Variants in MELTF observed in about 807,000 individuals in gnomAD.
MELTF encodes the protein antigen p97 (melanoma associated) identified by monoclonal antibodies 133.2 and 96.5.
Under a neutral mutation model 83.7 loss-of-function variants are expected in MELTF, and 67 were observed. The observed-to-expected ratio is 0.80, with a 90% CI of 0.66 to 0.98. The LOEUF (loss-of-function observed/expected upper bound fraction) is 0.98, where lower values mean the gene tolerates loss of function less well. Ranked by LOEUF, MELTF falls within the 50% of genes least tolerant of loss-of-function variation. The pLI is 0.00. For synonymous variants in MELTF, 462 were observed against 447.6 expected (o/e 1.03, Z -0.41); for missense variants, 1,002 against 1,035.6 (o/e 0.97, Z 0.44).
In MELTF at chr3:197,007,734, C is replaced by T. The variant is rs1411737586; in HGVS notation, c.1750+923G>A. The stretch of plus-strand genomic sequence containing the variant: ...CCTAGCTCTGCTGGGGCAAATGGTC[C>T]TACCGCCTTGGTGACCCCCATAGGA... On this transcript the variant is annotated intron_variant, in intron 13 of 15. Transcript: ENST00000296350. This position sits in a 1 kb window ranked among gnomAD's most constrained non-coding sequence, Gnocchi z 4.3. Among the ~76,000 whole-genome samples, 2 of 152,244 alleles carry T rather than the reference C, an allele frequency of 1.3e-5. No homozygotes were observed. The highest frequency in any genetic ancestry group is 4.8e-5 in the African/African-American group (2 of 41,464).
chr3:197,028,362 G>A (rs1485567510), intron 1 of MELTF: 1 of 159,396 alleles, frequency 6.3e-6, no homozygotes, highest in Admixed American at 6.1e-5. Context: ...GAGGTGAGGG[G>A]GCTGTGGGTG....
At position 197,029,293 on chromosome 3, in the gene MELTF, G is replaced by A. The variant is rs1300963971; in HGVS notation, c.49+361C>T. 1.3e-5 allele frequency: 3 copies of A among 223,010 alleles called. No homozygotes were observed. Among genetic ancestry groups the A allele is most frequent in the Non-Finnish European group, 2.6e-5 (3 of 114,282 alleles). 13.8% of individuals were successfully genotyped at this position (223,010 alleles called of 1,614,324 possible). ...CTCCCGCGGGGGCTCGGGAGAAAGA[G>A]CTGCTCCGAGCCCCCAAAGTCTTCC... On this transcript the variant is annotated intron_variant, in intron 1 of 15. Transcript: ENST00000296350. The surrounding 1 kb of genome is among the most constrained non-coding windows in gnomAD (Gnocchi z 6.5).
At position 197,006,733 on chromosome 3, in the gene MELTF, T is replaced by A. The variant is rs530953011; in HGVS notation, c.1754A>T (p.His585Leu). Residue 585 changes from histidine to leucine, a missense_variant, in exon 14 of 16, where the codon CAC (histidine) becomes CTC (leucine). Physicochemically the swap from His to Leu is moderately conservative, Grantham distance 99. Transcript: ENST00000296350. This position sits in a 1 kb window ranked among gnomAD's most constrained non-coding sequence, Gnocchi z 5.4. ...HTTVFDNTNG[H>L]NSEPWAAELR... ...CTCAGCAGCCCAGGGCTCGGAATTG[T>A]GGCCTGAGGGGGGTAAAGCAGTGTG... The A allele has an allele frequency of 2.2e-5, 34 of 1,528,066 alleles. No individual in the cohort carries two copies. Among genetic ancestry groups the A allele is most frequent in the Middle Eastern group, 3.5e-4 (2 of 5,672 alleles). The allele number at this position is 1,528,066 out of a possible 1,614,324, so 94.7% of individuals were successfully genotyped here. A position where few individuals can be genotyped will look rare whatever the true frequency, so the allele number is the denominator to read the frequency against.
chr3:197,021,664 A>G (rs1719628517), intron 5 of MELTF, among the ~76,000 whole-genome samples, 193 bp from the exon 6 acceptor site: 1 of 152,054 alleles, frequency 6.6e-6, no homozygotes, highest in South Asian at 2.1e-4. Flanking sequence ...CCTAGCCCCT[A>G]TCATCTGTAA....
In MELTF at chr3:197,027,926, C is replaced by T. The variant is rs369607859; in HGVS notation, c.50-16G>A. The T allele has an allele frequency of 2.3e-5, 36 of 1,553,814 alleles. No homozygotes were observed. The highest frequency in any genetic ancestry group is 1.8e-4 in the Admixed American group (10 of 56,544). The stretch of plus-strand genomic sequence containing the variant: ...CCACCGAGCACTGCGGGCAGGGGAC[C>T]GTGAGGCCCGGCTCCCCCGCCCTGC... On this transcript the variant is annotated splice_polypyrimidine_tract_variant and intron_variant, in intron 1 of 15. Coordinates refer to ENST00000296350, the MANE Select transcript of MELTF (RefSeq NM_005929.6).
At chr3:197,019,965 C>T (rs1026640106) in intron 6 of MELTF, among the ~76,000 whole-genome samples, 1 of 152,178 alleles carries the variant, frequency 6.6e-6, no homozygotes, top group Non-Finnish European at 1.5e-5. Flanking sequence ...TGAGGAACTC[C>T]TGGGCTGAAG....
At chr3:197,021,586 A>G (rs1444247645) in intron 5 of MELTF, 115 bp from the exon 6 acceptor site, 3 of 924,734 alleles carry the variant, frequency 3.2e-6, no homozygotes, top group Non-Finnish European at 5.0e-6. Flanking sequence ...TGGGCTTTCC[A>G]GTTGTGTGGT....
chr3:197,003,012 C>A lies in MELTF; in HGVS notation c.*360G>T, dbSNP rs998687918. 4.0e-5 allele frequency: 6 copies of A among 149,978 alleles called. No individual in the cohort carries two copies. Among genetic ancestry groups the A allele is most frequent in the African/African-American group, 1.5e-4 (6 of 41,152 alleles). The allele number at this position is 149,978 out of a possible 1,614,324, so 9.3% of individuals were successfully genotyped here. ...CGGCCACCGCGTCCCCAGGGGGCCT[C>A]GCGGACGGGGGCGCGGGGCTGCGGG... On this transcript the variant is annotated 3_prime_UTR_variant, in exon 16 of 16. Transcript: ENST00000296350. This position sits in a 1 kb window ranked among gnomAD's most constrained non-coding sequence, Gnocchi z 6.2.
Position 197,019,020 on chromosome 3 carries a change from G to A in MELTF, c.713-1730C>T, listed in dbSNP as rs1234539380. The A allele has an allele frequency of 1.0e-5, 10 of 985,226 alleles. No homozygotes were observed. The South Asian group carries it at 3.3e-4, about 32-fold the overall frequency. The allele number at this position is 985,226 out of a possible 1,614,324, so 61.0% of individuals were successfully genotyped here. ...AAAAACCTCTACAAGGAAATAGGAA[G>A]AAAAAAGATAATTTGTATGGTCATG... On this transcript the variant is annotated intron_variant, in intron 6 of 15. Coordinates refer to ENST00000296350, the MANE Select transcript of MELTF (RefSeq NM_005929.6).
rs1246462519 is a variant in MELTF, at chr3:197,008,611, A to T, written c.1750+46T>A. 1 of 1,580,416 alleles carries T rather than the reference A, an allele frequency of 6.3e-7. No homozygotes were observed. Among genetic ancestry groups the T allele is most frequent in the African/African-American group, 1.3e-5 (1 of 74,444 alleles). ...GTCTGGATGGTGCTGAAGATGGGGA[A>T]CAGTCCCCCCGACCTACCTTTGGCC... On this transcript the variant is annotated intron_variant, in intron 13 of 15. Transcript: ENST00000296350. The surrounding 1 kb of genome is among the most constrained non-coding windows in gnomAD (Gnocchi z 5.4).
chr3:197,003,207 G>T lies in MELTF; in HGVS notation c.*165C>A. 1 of 753,720 alleles carries T rather than the reference G, an allele frequency of 1.3e-6. No individual in the cohort carries two copies. The highest frequency in any genetic ancestry group is 1.9e-5 in the African/African-American group (1 of 52,704). The allele number at this position is 753,720 out of a possible 1,614,324, so 46.7% of individuals were successfully genotyped here. On this transcript the variant is annotated 3_prime_UTR_variant, in exon 16 of 16. Coordinates refer to ENST00000296350, the MANE Select transcript of MELTF (RefSeq NM_005929.6). The surrounding 1 kb of genome is among the most constrained non-coding windows in gnomAD (Gnocchi z 6.2). ...CGCGGGCCCGGGGGCGGCGCCTCAGGTAGCAGCGCCAGGTGGCGCCCGTGG... is the reference window on the plus strand; with the variant it reads ...CGCGGGCCCGGGGGCGGCGCCTCAGTTAGCAGCGCCAGGTGGCGCCCGTGG...
rs929784711 is a variant in MELTF, at chr3:197,002,605, G to C, written c.*767C>G. The C allele has an allele frequency of 1.3e-5, 2 of 152,280 alleles. No individual in the cohort carries two copies. The highest frequency in any genetic ancestry group is 2.9e-5 in the Non-Finnish European group (2 of 68,110). The allele number at this position is 152,280 out of a possible 1,614,324, so 9.4% of individuals were successfully genotyped here. A position where few individuals can be genotyped will look rare whatever the true frequency, so the allele number is the denominator to read the frequency against. On this transcript the variant is annotated 3_prime_UTR_variant, in exon 16 of 16. Transcript: ENST00000296350. ...ACCTCCGGCTCCCTTCAGGCGGGGG[G>C]CGGCTGCTGCCGCCAGGCTCGGGCG...
chr3:197,015,643 A>G, intron 8 of MELTF, 127 bp from the exon 9 acceptor site: 1 of 1,064,234 alleles, frequency 9.4e-7, no homozygotes, highest in Non-Finnish European at 1.3e-6. Context: ...TTATTTAACC[A>G]TCGGATCCCA....
chr3:197,027,442 G>T (rs1174803826), intron 2 of MELTF, among the ~76,000 whole-genome samples: 2 of 152,262 alleles, frequency 1.3e-5, no homozygotes, highest in African/African-American at 4.8e-5. Flanking sequence ...GGCAAGATGA[G>T]CAAGTAACCG....
rs770886325 is a variant in MELTF at position 197,010,842 on chromosome 3, C to G, written c.1234-48G>C. On this transcript the variant is annotated intron_variant, in intron 9 of 15. Coordinates refer to ENST00000296350, the MANE Select transcript of MELTF (RefSeq NM_005929.6). Reference sequence around the variant, plus strand: ...CTGGGCCGGGGTGGGCCCAGGATGGCTCTGGATGTCGGGGTCCTGTGGAGG... The same window carrying G: ...CTGGGCCGGGGTGGGCCCAGGATGGGTCTGGATGTCGGGGTCCTGTGGAGG... 3.2e-6 allele frequency: 5 copies of G among 1,562,860 alleles called. No homozygotes were observed. The Admixed American group carries it at 8.4e-5, about 26-fold the overall frequency.
Position 197,003,769 on chromosome 3 carries a change from A to C in MELTF, c.2137+132T>G, listed in dbSNP as rs2108949928. ...CTCCTGGCCAAAATCCTCCCGGGAC[A>C]CCCCACCTGGACTGCTGCGAACGGG... On this transcript the variant is annotated intron_variant, in intron 15 of 15. Transcript: ENST00000296350. The surrounding 1 kb of genome is among the most constrained non-coding windows in gnomAD (Gnocchi z 6.2). The C allele has an allele frequency of 2.2e-6, 2 of 914,276 alleles. No individual in the cohort carries two copies. Among genetic ancestry groups the C allele is most frequent in the Non-Finnish European group, 3.2e-6 (2 of 625,108 alleles). The allele number at this position is 914,276 out of a possible 1,614,324, so 56.6% of individuals were successfully genotyped here.
In MELTF at chr3:197,024,163, G is replaced by T; in HGVS notation, c.487+140C>A. 1 of 879,602 alleles carries T rather than the reference G, an allele frequency of 1.1e-6. No homozygotes were observed. Among genetic ancestry groups the T allele is most frequent in the Non-Finnish European group, 1.7e-6 (1 of 595,430 alleles). The allele number at this position is 879,602 out of a possible 1,614,324, so 54.5% of individuals were successfully genotyped here. On this transcript the variant is annotated intron_variant, in intron 4 of 15. Transcript: ENST00000296350. This position sits in a 1 kb window ranked among gnomAD's most constrained non-coding sequence, Gnocchi z 5.3. Reference sequence around the variant, plus strand: ...AGAGTGGAGGCGGGGGAGGCACGGGGCGGGCGGGGGCTGCTGCGCCTTCCA... The same window carrying T: ...AGAGTGGAGGCGGGGGAGGCACGGGTCGGGCGGGGGCTGCTGCGCCTTCCA...
Position 197,017,169 on chromosome 3 carries a change from A to G in MELTF, c.834T>C (p.Ala278=), listed in dbSNP as rs1719411136. 1 of 1,610,940 alleles carries G rather than the reference A, an allele frequency of 6.2e-7. No homozygotes were observed. The highest frequency in any genetic ancestry group is 1.1e-5 in the South Asian group (1 of 90,120). Residue 278 remains alanine (A), a synonymous_variant, in exon 7 of 16, where the codon GCT becomes GCC. Transcript: ENST00000296350. ...TGTCGGCCCGGACCACCACGGCGTG[A>G]GCAGGCACCCGGGCCAGATGGCACT... The part of the protein sequence containing the change: ...WRQCHLARVP[A]HAVVVRADTD...
At position 197,028,812 on chromosome 3, in the gene MELTF, G is replaced by A. The variant is rs3773849; in HGVS notation, c.49+842C>T. On this transcript the variant is annotated intron_variant, in intron 1 of 15. Coordinates refer to ENST00000296350, the MANE Select transcript of MELTF (RefSeq NM_005929.6). ...CTGTGCAGGAGGGAGGGAAACGCAT[G>A]ACTCCGCCCGAAACCAGGTCACCCT... 1,165 of 152,848 alleles carry A rather than the reference G, an allele frequency of 7.6e-3. 11 individuals are homozygous for A. The highest frequency in any genetic ancestry group is 0.035 in the East Asian group (181 of 5,168). The allele number at this position is 152,848 out of a possible 1,614,324, so 9.5% of individuals were successfully genotyped here. A position where few individuals can be genotyped will look rare whatever the true frequency, so the allele number is the denominator to read the frequency against.
Sources: gnomAD v4.1 joint callset for allele counts (sites outside exome capture counted in the v4.1 genomes callset) on GRCh38, gnomAD v4.1.1 for gene constraint, Gnocchi (gnomAD v3.1) non-coding constraint, MANE v1.5 for transcripts, NCBI Gene and HGNC (gene_info 2026-07-23, HGNC 2026-07-21) for gene names.